Variants in ELAC2 observed in about 807,000 individuals in gnomAD.
The protein encoded by ELAC2 is zinc phosphodiesterase ELAC protein 2.
ELAC2 carries 92 observed loss-of-function variants against 105.2 expected under a neutral mutation model. That is an observed-to-expected ratio of 0.87 (90% CI 0.74 to 1.04). The LOEUF (loss-of-function observed/expected upper bound fraction) is 1.04, where lower values mean the gene tolerates loss of function less well. ELAC2 is among the 50% of genes least tolerant of loss of function. The pLI, the probability that ELAC2 is intolerant of heterozygous loss-of-function variation, is 0.00. For synonymous variants in ELAC2, 468 were observed against 409.1 expected, an observed-to-expected ratio of 1.14 and a Z score of -1.74; for missense variants, 1,099 against 1,071.7, an observed-to-expected ratio of 1.03 and a Z score of -0.36.
chr17:12,999,921 T>C (rs1300192703), intron 15 of ELAC2, among the ~76,000 whole-genome samples: 1 of 152,226 alleles, frequency 6.6e-6, no homozygotes, highest in East Asian at 1.9e-4. Flanking sequence ...CCTCCCGAAG[T>C]GCTGGGATTA....
At chr17:13,003,390 T>C (rs374949550) in intron 12 of ELAC2, 89 bp downstream of exon 12, 3 of 1,206,618 alleles carry the variant, frequency 2.5e-6, no homozygotes, top group African/African-American at 1.5e-5. Context: ...GAAGGGTAGG[T>C]AGCGCTGGAA....
chr17:12,996,802 G>A (rs570005903), intron 16 of ELAC2, 117 bp from the exon 17 acceptor site: 51 of 1,419,072 alleles, frequency 3.6e-5, no homozygotes, highest in Non-Finnish European at 4.9e-5. Context: ...TGTCTCTCCT[G>A]CTTTGCTTTG....
At chr17:13,014,843 G>T (rs1217997642) in intron 4 of ELAC2, among the ~76,000 whole-genome samples, 2 of 152,202 alleles carry the variant, frequency 1.3e-5, no homozygotes, top group African/African-American at 2.4e-5. Flanking sequence ...GGCAGTTCTG[G>T]AGTAAATGAC....
chr17:13,004,592 C>T (rs58608011), intron 11 of ELAC2, among the ~76,000 whole-genome samples: 27,664 of 152,110 alleles, frequency 0.18, 2,582 homozygotes, highest in African/African-American at 0.2. Flanking sequence ...CTCTTGACCA[C>T]GACAGTCTCA....
chr17:13,005,779 T>G lies in ELAC2; in HGVS notation c.844A>C (p.Lys282Gln), dbSNP rs2041068510. The change falls in exon 10 of 24, where the codon AAA becomes CAA. Residue 282 changes from lysine (K) to glutamine (Q), a missense_variant. Coordinates refer to ENST00000338034, the MANE Select transcript of ELAC2 (RefSeq NM_018127.7). The part of the protein sequence containing the change: ...APIIAAVKDG[K>Q]SITHEGREIL... ...TCTCTTCCTTCATGAGTGATGCTTT[T>G]CCCGTCCTTGACAGCAGCAATGATG... 6.2e-7 allele frequency: 1 copy of G among 1,614,078 alleles called. No homozygotes were observed. The highest frequency in any genetic ancestry group is 1.1e-5 in the South Asian group (1 of 91,090).
rs1380705370 is a variant in ELAC2 at position 13,000,176 on chromosome 17, T to C, written c.1403A>G (p.Gln468Arg). 3 of 1,613,732 alleles carry C rather than the reference T, an allele frequency of 1.9e-6. No individual in the cohort carries two copies. Among genetic ancestry groups the C allele is most frequent in the Admixed American group, 1.7e-5 (1 of 59,998 alleles). ...QSVQEYRRSA[Q>R]DGPAPAEKRS... ...CTCACCTGCTGGGGCTGGGCCGTCC[T>C]GCGCACTCCTCCTGTACTCCTGCAC... Residue 468 changes from glutamine (Q) to arginine (R), a missense_variant, in exon 15 of 24, where the codon CAG becomes CGG. Gln to Arg is a conservative substitution (Grantham distance 43). Transcript: ENST00000338034.
rs367834121 is a variant in ELAC2 at position 12,998,472 on chromosome 17, C to G, written c.1460G>C (p.Gly487Ala). ...RSQYPEIIFL[G>A]TGSAIPMKIR... ...CTTCATCGGGATGGCAGACCCTGTT[C>G]CAAGGAAGATGATTTCTGGGTACTG... The change falls in exon 16 of 24, where the codon GGA becomes GCA. Residue 487 changes from glycine to alanine, a missense_variant. Physicochemically the swap from Gly to Ala is moderately conservative, Grantham distance 60 (BLOSUM62 0). Transcript: ENST00000338034. 1 of 1,614,168 alleles carries G rather than the reference C, an allele frequency of 6.2e-7. No individual in the cohort carries two copies. Among genetic ancestry groups the G allele is most frequent in the African/African-American group, 1.3e-5 (1 of 75,036 alleles).
chr17:13,002,381 C>T (rs748714486), intron 13 of ELAC2, 22 bp from the exon 14 acceptor site: 3 of 1,614,038 alleles, frequency 1.9e-6, no homozygotes, highest in Non-Finnish European at 2.5e-6. Flanking sequence ...AAAACACATT[C>T]ATGGAGAGAA....
chr17:13,009,199 G>A (rs933401419), intron 8 of ELAC2, among the ~76,000 whole-genome samples: 8 of 152,044 alleles, frequency 5.3e-5, no homozygotes, highest in African/African-American at 1.9e-4. Context: ...CAAATAAATC[G>A]ATAGAAATGA....
intron 8 of ELAC2, 88 bp from the exon 9 acceptor site, chr17:13,006,067 AT>A: frequency 7.3e-7 from 1 of 1,368,144 alleles, no homozygotes; most frequent in Non-Finnish European, 1.0e-6. Context: ...ATTTTTCTAG[AT>A]TAAAAAAAAA....
chr17:12,991,907 T>A lies in ELAC2; in HGVS notation c.*911A>T, dbSNP rs973759823. On this transcript the variant is annotated 3_prime_UTR_variant, in exon 24 of 24. Transcript: ENST00000338034. Reference sequence around the variant, plus strand: ...TTCCTTGGAAAATGCTCTCCATTTGTCGAGCACTAATCCACGTCTGTAAAT... The same window carrying A: ...TTCCTTGGAAAATGCTCTCCATTTGACGAGCACTAATCCACGTCTGTAAAT... Among the ~76,000 whole-genome samples, 5 of 152,222 alleles carry A rather than the reference T, an allele frequency of 3.3e-5. No individual in the cohort carries two copies. Among genetic ancestry groups the A allele is most frequent in the Admixed American group, 2.6e-4 (4 of 15,280 alleles).
chr17:12,995,653 A>T, intron 19 of ELAC2, 50 bp downstream of exon 19: 1 of 1,540,982 alleles, frequency 6.5e-7, no homozygotes, highest in Non-Finnish European at 8.8e-7. Context: ...CTTCTGAAGG[A>T]GACGGCAGCA....
chr17:12,996,447 G>T, intron 17 of ELAC2, 100 bp downstream of exon 17: 2 of 1,578,074 alleles, frequency 1.3e-6, no homozygotes, highest in South Asian at 1.1e-5. Context: ...AAAAGCTCTG[G>T]GCAAGTTTGG....
chr17:13,012,489 G>A (rs562667241), intron 6 of ELAC2, among the ~76,000 whole-genome samples: 1 of 152,300 alleles, frequency 6.6e-6, no homozygotes, highest in East Asian at 1.9e-4. Context: ...GAGCACTTGT[G>A]CCATTGCTCC....
chr17:12,994,758 A>C lies in ELAC2; in HGVS notation c.2029+6T>G. 2 of 1,613,454 alleles carry C rather than the reference A, an allele frequency of 1.2e-6. No individual in the cohort carries two copies. Among genetic ancestry groups the C allele is most frequent in the South Asian group, 1.1e-5 (1 of 91,068 alleles). On this transcript the variant is annotated splice_donor_region_variant and intron_variant, in intron 21 of 23. Coordinates refer to ENST00000338034, the MANE Select transcript of ELAC2 (RefSeq NM_018127.7). ...CTCAGGGTGGCTTGCTTCTTCCTCT[A>C]CTCACCCATCCGGACCAGAGCCTCG... is the stretch of plus-strand genomic sequence containing the variant.
At chr17:13,014,365 T>C (rs561461370) in intron 5 of ELAC2, 74 bp downstream of exon 5, 15 of 1,134,208 alleles carry the variant, frequency 1.3e-5, no homozygotes, top group African/African-American at 4.6e-5. Flanking sequence ...ATGTTTTTAA[T>C]GGATTCTAAT....
chr17:13,006,013 G>C, intron 8 of ELAC2, 34 bp from the exon 9 acceptor site: 1 of 1,596,268 alleles, frequency 6.3e-7, no homozygotes, highest in Non-Finnish European at 8.6e-7. Flanking sequence ...TGATCTTAGG[G>C]GCTAATGAAG....
rs529878832 is a variant in ELAC2 at position 12,998,082 on chromosome 17, A to G, written c.1520+330T>C. Among the ~76,000 whole-genome samples the G allele has an allele frequency of 5.3e-5, 8 of 152,340 alleles. 1 individual carries two copies. The South Asian group carries it at 1.7e-3, about 32-fold the overall frequency. On this transcript the variant is annotated intron_variant, in intron 16 of 23. Coordinates refer to ENST00000338034, the MANE Select transcript of ELAC2 (RefSeq NM_018127.7). ...CACCTCTCTGAATATCAGGTCACTC[A>G]TCAACAAAATGGGTAGTTATTCACC...
intron 12 of ELAC2, 40 bp downstream of exon 12, chr17:13,003,439 A>C (rs776329784): frequency 6.3e-7 from 1 of 1,588,516 alleles, no homozygotes; most frequent in Non-Finnish European, 8.6e-7. Flanking sequence ...ACCACTGCCC[A>C]GAAGAGTTAC....
Sources: gnomAD v4.1 joint callset for allele counts (sites outside exome capture counted in the v4.1 genomes callset) on GRCh38, gnomAD v4.1.1 for gene constraint, MANE v1.5 for transcripts, NCBI Gene and HGNC (gene_info 2026-07-23, HGNC 2026-07-21) for gene names.